Variants in ZBP1 observed in about 807,000 individuals in gnomAD.
ZBP1 encodes the protein Z-DNA-binding protein 1.
ZBP1 carries 42 observed loss-of-function variants against 41.1 expected under a neutral mutation model. The ratio of observed to expected loss-of-function variants is 1.02; its 90% confidence interval spans 0.80 to 1.32. The LOEUF is 1.32. Among genes scored for constraint, ZBP1 ranks in the 40% most tolerant of loss-of-function variants. The probability of loss-of-function intolerance (pLI) is 0.00; values close to 1 mark genes in which losing one functional copy is unlikely to be tolerated. For missense variants in ZBP1, 562 were observed against 549.7 expected (o/e 1.02, Z -0.22); for synonymous variants, 214 against 205.2 (o/e 1.04, Z -0.37).
At chr20:57,605,237 A>G (rs2070466710) in intron 7 of ZBP1, among the ~76,000 whole-genome samples, 1 of 152,160 alleles carries the variant, frequency 6.6e-6, no homozygotes, top group Non-Finnish European at 1.5e-5. Context: ...ACTTTACCTT[A>G]TTGTACTTTG....
rs764647131 is a variant in ZBP1, at chr20:57,616,503, G to C, written c.35-35C>G. 1.1e-5 allele frequency: 17 copies of C among 1,608,376 alleles called. No individual in the cohort carries two copies. In the East Asian group the frequency reaches 1.6e-4, roughly 15 times the overall value. On this transcript the variant is annotated intron_variant, in intron 1 of 7. Coordinates refer to ENST00000371173, the MANE Select transcript of ZBP1 (RefSeq NM_030776.3). Reference sequence around the variant, plus strand: ...CGAGCGGGGGACAGAGAGGGGAACTGAGTCTCCCAGGTCCCCACAGTTGAG... The same window carrying C: ...CGAGCGGGGGACAGAGAGGGGAACTCAGTCTCCCAGGTCCCCACAGTTGAG...
At position 57,610,527 on chromosome 20, in the gene ZBP1, C is replaced by T. The variant is rs550708425; in HGVS notation, c.875-160G>A. On this transcript the variant is annotated intron_variant, in intron 6 of 7. Transcript: ENST00000371173. This position sits in a 1 kb window ranked among gnomAD's most constrained non-coding sequence, Gnocchi z 5.5. ...TGCCTGCCCGCCACACCTCCACCCGCCACACCTCCGCTCGTGCTGTTGTGC... is the reference window on the plus strand; with the variant it reads ...TGCCTGCCCGCCACACCTCCACCCGTCACACCTCCGCTCGTGCTGTTGTGC... The T allele has an allele frequency of 1.2e-5, 8 of 677,622 alleles. No homozygotes were observed. Among genetic ancestry groups the T allele is most frequent in the African/African-American group, 1.1e-4 (6 of 55,638 alleles). 42.0% of individuals were successfully genotyped at this position (677,622 alleles called of 1,614,324 possible).
At chr20:57,614,436 G>T (rs1213563391) in intron 4 of ZBP1, among the ~76,000 whole-genome samples, 1 of 152,082 alleles carries the variant, frequency 6.6e-6, no homozygotes, top group Non-Finnish European at 1.5e-5. Flanking sequence ...TGCACCTATT[G>T]GATCTTGGCC....
rs147118943 is a variant in ZBP1 at position 57,614,369 on chromosome 20, C to T, written c.502+518G>A. On this transcript the variant is annotated intron_variant, in intron 4 of 7. Transcript: ENST00000371173. ...TCATTATTATTGTAGTATTCATTTCCTCTGATTTTAAATGAAATTAAAATT... is the reference window on the plus strand; with the variant it reads ...TCATTATTATTGTAGTATTCATTTCTTCTGATTTTAAATGAAATTAAAATT... Among the ~76,000 whole-genome samples, 731 of 152,188 alleles carry T rather than the reference C, an allele frequency of 4.8e-3. 6 individuals are homozygous for T. The highest frequency in any genetic ancestry group is 0.017 in the African/African-American group (702 of 41,526).
intron 7 of ZBP1, 109 bp from the exon 8 acceptor site, chr20:57,604,878 C>T (rs56345209): frequency 0.11 from 114,794 of 1,085,704 alleles, 6,565 homozygotes; most frequent in African/African-American, 0.14. Context: ...TTTGTTGTTA[C>T]TGTCTTTAGA....
In ZBP1 at chr20:57,616,275, C is replaced by G; in HGVS notation, c.228G>C (p.Glu76Asp). The change falls in exon 2 of 8, where the codon GAG becomes GAC. Residue 76 changes from glutamate to aspartate, a missense_variant. Coordinates refer to ENST00000371173, the MANE Select transcript of ZBP1 (RefSeq NM_030776.3). Reference protein sequence around the residue: ...WCLGGTDPEGEGPAELALSSP... With the variant: ...WCLGGTDPEGDGPAELALSSP... ...TGGACAAGGCCAGCTCTGCAGGACC[C>G]TCGCCTTCAGGATCAGTCCCGCCCA... The G allele has an allele frequency of 1.2e-6, 2 of 1,614,108 alleles. No individual in the cohort carries two copies. The highest frequency in any genetic ancestry group is 1.1e-5 in the South Asian group (1 of 91,088).
At position 57,614,974 on chromosome 20, in the gene ZBP1, C is replaced by G; in HGVS notation, c.415G>C (p.Asp139His). Residue 139 changes from aspartate to histidine, a missense_variant, in exon 4 of 8, where the codon GAT (aspartate) becomes CAT (histidine). Coordinates refer to ENST00000371173, the MANE Select transcript of ZBP1 (RefSeq NM_030776.3). The part of the protein sequence containing the change: ...AQALGMRTAK[D>H]VNRDLYRMKS... ...ATCCTGTACAAGTCTCGGTTCACAT[C>G]TTTTGCTGTCCTCATTCCCAGTGCT... is the stretch of plus-strand genomic sequence containing the variant. 1 of 1,614,244 alleles carries G rather than the reference C, an allele frequency of 6.2e-7. No homozygotes were observed. Among genetic ancestry groups the G allele is most frequent in the Non-Finnish European group, 8.5e-7 (1 of 1,180,048 alleles).
rs1407792041 is a variant in ZBP1, at chr20:57,604,227, G to A, written c.*346C>T. 2.4e-6 allele frequency: 1 copy of A among 409,948 alleles called. No individual in the cohort carries two copies. Among genetic ancestry groups the A allele is most frequent in the South Asian group, 2.0e-5 (1 of 49,902 alleles). 25.4% of individuals were successfully genotyped at this position (409,948 alleles called of 1,614,324 possible). On this transcript the variant is annotated 3_prime_UTR_variant, in exon 8 of 8. Coordinates refer to ENST00000371173, the MANE Select transcript of ZBP1 (RefSeq NM_030776.3). ...GGACTCAAACATTCAAACCACAGCA[G>A]GTAGCCATGATGGAAGGTAACTCCA...
Position 57,616,279 on chromosome 20 carries a change from C to G in ZBP1, c.224G>C (p.Gly75Ala). ...CAAGGCCAGCTCTGCAGGACCCTCG[C>G]CTTCAGGATCAGTCCCGCCCAAGCA... ...TWCLGGTDPE[G>A]EGPAELALSS... Residue 75 changes from glycine (G) to alanine (A), a missense_variant, in exon 2 of 8, where the codon GGC becomes GCC. Physicochemically the swap from Gly to Ala is moderately conservative, Grantham distance 60 (BLOSUM62 0). Transcript: ENST00000371173. The G allele has an allele frequency of 6.2e-7, 1 of 1,614,138 alleles. No homozygotes were observed. Among genetic ancestry groups the G allele is most frequent in the Non-Finnish European group, 8.5e-7 (1 of 1,180,028 alleles).
intron 3 of ZBP1, chr20:57,615,295 G>T (rs912492254): frequency 8.1e-5 from 55 of 675,120 alleles, no homozygotes; most frequent in Non-Finnish European, 1.2e-4. Flanking sequence ...CATGGTGAGG[G>T]TCAGCTATTG....
chr20:57,610,236 T>C lies in ZBP1; in HGVS notation c.1006A>G (p.Asn336Asp), dbSNP rs376824924. Residue 336 changes from asparagine to aspartate, a missense_variant, in exon 7 of 8, where the codon AAC becomes GAC. Physicochemically the swap from Asn to Asp is conservative, Grantham distance 23. Transcript: ENST00000371173. The surrounding 1 kb of genome is among the most constrained non-coding windows in gnomAD (Gnocchi z 5.5). ...GGGCTGATAGACATTTTGTTGCTGT[T>C]GCCGATGGTGGCGTCCTCGAGAAAG... ...SCFLEDATIG[N>D]SNKMSISPGV... 1.2e-6 allele frequency: 2 copies of C among 1,614,184 alleles called. No homozygotes were observed. The highest frequency in any genetic ancestry group is 1.3e-5 in the African/African-American group (1 of 75,034).
rs763327760 is a variant in ZBP1 at position 57,620,290 on chromosome 20, G to A, written c.6C>T (p.Ala2=). The change falls in exon 1 of 8, where the codon GCC becomes GCT. Residue 2 remains alanine, a synonymous_variant. Transcript: ENST00000371173. ...CTCTGCCCGGGTCAGCAGGAGCCTG[G>A]GCCATGCTGACAGCAGCTGCAAGGA... The part of the protein sequence containing the change: M[A]QAPADPGREG... 7.5e-6 allele frequency: 12 copies of A among 1,597,568 alleles called. No homozygotes were observed. The African/African-American group carries it at 1.5e-4, about 20-fold the overall frequency.
Position 57,610,062 on chromosome 20 carries a change from A to G in ZBP1, c.1093+87T>C. Reference sequence around the variant, plus strand: ...GACTCCGGGAAACCAGAGATTAGCGAATGATCGATGAGAGTGAATGAATGA... The same window carrying G: ...GACTCCGGGAAACCAGAGATTAGCGGATGATCGATGAGAGTGAATGAATGA... On this transcript the variant is annotated intron_variant, in intron 7 of 7. Transcript: ENST00000371173. This position sits in a 1 kb window ranked among gnomAD's most constrained non-coding sequence, Gnocchi z 5.5. 1 of 1,409,010 alleles carries G rather than the reference A, an allele frequency of 7.1e-7. No homozygotes were observed. The highest frequency in any genetic ancestry group is 9.9e-7 in the Non-Finnish European group (1 of 1,010,970). The allele number at this position is 1,409,010 out of a possible 1,614,324, so 87.3% of individuals were successfully genotyped here. A position where few individuals can be genotyped will look rare whatever the true frequency, so the allele number is the denominator to read the frequency against.
Position 57,610,140 on chromosome 20 carries a change from C to T in ZBP1, c.1093+9G>A, listed in dbSNP as rs181161270. On this transcript the variant is annotated intron_variant, in intron 7 of 7. Transcript: ENST00000371173. The surrounding 1 kb of genome is among the most constrained non-coding windows in gnomAD (Gnocchi z 5.5). ...AACACACAGGGGTCCACTCTGCCCC[C>T]TAGCTCACCTGCGTCCTCCCCTGGC... 2 of 1,612,868 alleles carry T rather than the reference C, an allele frequency of 1.2e-6. No individual in the cohort carries two copies. Among genetic ancestry groups the T allele is most frequent in the Non-Finnish European group, 1.7e-6 (2 of 1,179,536 alleles).
intron 7 of ZBP1, among the ~76,000 whole-genome samples, chr20:57,608,441 AC>A (rs10709536): frequency 0.099 from 15,021 of 152,274 alleles, 846 homozygotes; most frequent in East Asian, 0.23. Context: ...TTTTTAAAAA[AC>A]ACAGTGCTGT....
rs2070635104 is a variant in ZBP1, at chr20:57,610,547, T to C, written c.875-180A>G. The C allele has an allele frequency of 1.6e-6, 1 of 623,970 alleles. No individual in the cohort carries two copies. Among genetic ancestry groups the C allele is most frequent in the African/African-American group, 1.9e-5 (1 of 53,214 alleles). The allele number at this position is 623,970 out of a possible 1,614,324, so 38.7% of individuals were successfully genotyped here. A position where few individuals can be genotyped will look rare whatever the true frequency, so the allele number is the denominator to read the frequency against. ...ACCCGCCACACCTCCGCTCGTGCTG[T>C]TGTGCTGTCTGGGAAGCGTCTTTCT... On this transcript the variant is annotated intron_variant, in intron 6 of 7. Transcript: ENST00000371173. The surrounding 1 kb of genome is among the most constrained non-coding windows in gnomAD (Gnocchi z 5.5).
Position 57,610,472 on chromosome 20 carries a change from T to A in ZBP1, c.875-105A>T, listed in dbSNP as rs2070631299. Reference sequence around the variant, plus strand: ...CCCTCCTCCCCAGATCTCCCACCAGTGGCCCACACCATCCCAGGAGCACAG... The same window carrying A: ...CCCTCCTCCCCAGATCTCCCACCAGAGGCCCACACCATCCCAGGAGCACAG... On this transcript the variant is annotated intron_variant, in intron 6 of 7. Transcript: ENST00000371173. The surrounding 1 kb of genome is among the most constrained non-coding windows in gnomAD (Gnocchi z 5.5). 3 of 1,206,958 alleles carry A rather than the reference T, an allele frequency of 2.5e-6. No individual in the cohort carries two copies. The highest frequency in any genetic ancestry group is 2.4e-5 in the East Asian group (1 of 42,320). 74.8% of individuals were successfully genotyped at this position (1,206,958 alleles called of 1,614,324 possible). A position where few individuals can be genotyped will look rare whatever the true frequency, so the allele number is the denominator to read the frequency against.
chr20:57,615,423 G>T, intron 3 of ZBP1, 89 bp downstream of exon 3: 1 of 1,416,562 alleles, frequency 7.1e-7, no homozygotes, highest in Non-Finnish European at 9.9e-7. Context: ...CTGAACACTG[G>T]TGAGATCTTG....
At chr20:57,607,325 G>A (rs1568926244) in intron 7 of ZBP1, 3 of 1,280,584 alleles carry the variant, frequency 2.3e-6, no homozygotes, top group Admixed American at 2.4e-5. Flanking sequence ...GAAATAGCAG[G>A]AAAACACAAA....
Sources: gnomAD v4.1 joint callset for allele counts (sites outside exome capture counted in the v4.1 genomes callset) on GRCh38, gnomAD v4.1.1 for gene constraint, Gnocchi (gnomAD v3.1) non-coding constraint, MANE v1.5 for transcripts, NCBI Gene and HGNC (gene_info 2026-07-23, HGNC 2026-07-21) for gene names.